JAZF1: variants seen among roughly 807,000 people sequenced by gnomAD.
The protein encoded by JAZF1 is JAZF zinc finger 1.
Under a neutral mutation model 26.4 loss-of-function variants are expected in JAZF1, and 8 were observed. The ratio of observed to expected loss-of-function variants is 0.30; its 90% confidence interval spans 0.18 to 0.55. The LOEUF is 0.55. Among genes scored for constraint, JAZF1 ranks in the 20% least tolerant of loss-of-function variants. The probability of loss-of-function intolerance (pLI) is 0.94; values close to 1 mark genes in which losing one functional copy is unlikely to be tolerated. For synonymous variants in JAZF1, 126 were observed against 122.3 expected (o/e 1.03, Z -0.20); for missense variants, 199 against 322.0 (o/e 0.62, Z 2.92).
intron 2 of JAZF1, among the ~76,000 whole-genome samples, chr7:27,933,132 A>G (rs1433885223): frequency 6.6e-6 from 1 of 152,228 alleles, no homozygotes; most frequent in Admixed American, 6.5e-5. Flanking sequence ...CCCTGGTAAA[A>G]GCAGGACAAA....
intron 2 of JAZF1, among the ~76,000 whole-genome samples, chr7:27,960,146 C>T (rs563301346): frequency 1.2e-3 from 178 of 152,324 alleles, no homozygotes; most frequent in African/African-American, 4.2e-3. Context: ...GAGAAAAACG[C>T]AAACTTCAGA....
intron 1 of JAZF1, among the ~76,000 whole-genome samples, chr7:28,168,380 CAAAAAAAAAAAA>C (rs11301939): frequency 1.4e-5 from 1 of 71,142 alleles, no homozygotes; most frequent in Non-Finnish European, 2.6e-5. Flanking sequence ...GACTCCGTCT[CAAAAAAAAAAAA>C]AAAAAAAAAA....
chr7:28,045,602 G>T (rs1783482820), intron 1 of JAZF1, among the ~76,000 whole-genome samples: 1 of 151,984 alleles, frequency 6.6e-6, no homozygotes, highest in African/African-American at 2.4e-5. Flanking sequence ...TTAGAGACAG[G>T]GTCTCACTCT....
At chr7:27,965,255 A>T (rs1785254056) in intron 2 of JAZF1, among the ~76,000 whole-genome samples, 1 of 152,228 alleles carries the variant, frequency 6.6e-6, no homozygotes, top group Admixed American at 6.5e-5. Flanking sequence ...AAATAAGCAA[A>T]CAAAAAATCA....
intron 2 of JAZF1, among the ~76,000 whole-genome samples, chr7:27,960,064 CA>C (rs1386992011): frequency 6.6e-6 from 1 of 152,200 alleles, no homozygotes; most frequent in African/African-American, 2.4e-5. Flanking sequence ...CTACTTTACT[CA>C]GCATAAAAAT....
intron 1 of JAZF1, among the ~76,000 whole-genome samples, chr7:27,998,303 A>C (rs183651040): frequency 1.3e-5 from 2 of 152,180 alleles, no homozygotes; most frequent in African/African-American, 4.8e-5. Flanking sequence ...CTGTATAGAT[A>C]ATCTTTTTTA....
chr7:28,122,590 G>A (rs78590940), intron 1 of JAZF1, among the ~76,000 whole-genome samples: 6,432 of 152,222 alleles, frequency 0.042, 390 homozygotes, highest in African/African-American at 0.14. Context: ...AACAGTGGCT[G>A]AGGAACCAGC....
intron 3 of JAZF1, among the ~76,000 whole-genome samples, chr7:27,865,871 C>A (rs1426260862): frequency 1.3e-5 from 2 of 152,202 alleles, no homozygotes; most frequent in East Asian, 3.8e-4. Flanking sequence ...TCCTTTAGGA[C>A]ACGGGGCACA....
At chr7:27,839,337 C>T (rs965495660) in intron 4 of JAZF1, among the ~76,000 whole-genome samples, 2 of 152,182 alleles carry the variant, frequency 1.3e-5, no homozygotes, top group Non-Finnish European at 2.9e-5. Flanking sequence ...TGGGAACCAG[C>T]CCCAGCCCAG....
At chr7:27,921,745 T>C (rs1168050958) in intron 2 of JAZF1, among the ~76,000 whole-genome samples, 3 of 152,146 alleles carry the variant, frequency 2.0e-5, no homozygotes. Flanking sequence ...AAAAATGCAA[T>C]TTCTGGCCAG....
chr7:27,937,398 T>A (rs1170450001), intron 2 of JAZF1, among the ~76,000 whole-genome samples: 1 of 152,200 alleles, frequency 6.6e-6, no homozygotes, highest in Admixed American at 6.5e-5. Flanking sequence ...ATCAGGCTGT[T>A]GTGAGGATTA....
chr7:28,175,867 A>T (rs1205187742), intron 1 of JAZF1, among the ~76,000 whole-genome samples: 2 of 152,242 alleles, frequency 1.3e-5, no homozygotes, highest in African/African-American at 4.8e-5. Flanking sequence ...AGTGGGAGTA[A>T]TAAGGACCTA....
chr7:27,879,089 A>G (rs2128339208), intron 3 of JAZF1, among the ~76,000 whole-genome samples: 1 of 152,356 alleles, frequency 6.6e-6, no homozygotes, highest in Middle Eastern at 3.4e-3. Context: ...GGAGTCTCTG[A>G]AACCTGTAAT....
chr7:28,109,547 T>C (rs983921074), intron 1 of JAZF1, among the ~76,000 whole-genome samples: 2 of 152,200 alleles, frequency 1.3e-5, no homozygotes, highest in Non-Finnish European at 2.9e-5. Flanking sequence ...ACAATAGCAC[T>C]GAATACTGTA....
chr7:28,044,275 C>T (rs1783455753), intron 1 of JAZF1, among the ~76,000 whole-genome samples: 1 of 152,196 alleles, frequency 6.6e-6, no homozygotes, highest in African/African-American at 2.4e-5. Context: ...CAACATTCCT[C>T]TCTTCCTCAT....
chr7:27,856,061 G>C (rs998499468), intron 3 of JAZF1, among the ~76,000 whole-genome samples: 2 of 152,208 alleles, frequency 1.3e-5, no homozygotes, highest in Admixed American at 1.3e-4. Context: ...GTCCGGAATT[G>C]GTGGGTTCTT....
At chr7:27,977,913 A>C (rs1785504054) in intron 2 of JAZF1, among the ~76,000 whole-genome samples, 2 of 152,188 alleles carry the variant, frequency 1.3e-5, no homozygotes, top group Non-Finnish European at 2.9e-5. Flanking sequence ...CCTTTCTTTC[A>C]GGGATCATGG....
At chr7:28,161,944 T>G (rs568933238) in intron 1 of JAZF1, among the ~76,000 whole-genome samples, 115 of 152,320 alleles carry the variant, frequency 7.5e-4, no homozygotes, top group Non-Finnish European at 1.3e-3. Context: ...TTTGCAGCCT[T>G]TCCGAGAGGG....
chr7:27,873,864 C>A (rs1374083133), intron 3 of JAZF1, among the ~76,000 whole-genome samples: 1 of 152,166 alleles, frequency 6.6e-6, no homozygotes, highest in African/African-American at 2.4e-5. Flanking sequence ...TGACTCCACT[C>A]TGATATGCTG....
Sources: allele counts gnomAD v4.1 joint callset (sites outside exome capture counted in the v4.1 genomes callset), GRCh38; gene constraint gnomAD v4.1.1; transcripts MANE v1.5; gene names NCBI Gene and HGNC (gene_info 2026-07-23, HGNC 2026-07-21).